The following PTPRD variants were observed in gnomAD, a reference collection of about 807,000 sequenced individuals.
The protein encoded by PTPRD is protein tyrosine phosphatase receptor type D.
In PTPRD, 34 loss-of-function variants were observed where a neutral mutation model predicts 214.5. That is an observed-to-expected ratio of 0.16 (90% CI 0.12 to 0.21). The LOEUF (loss-of-function observed/expected upper bound fraction) is 0.21, where lower values mean the gene tolerates loss of function less well. Ranked by LOEUF, PTPRD falls within the 10% of genes least tolerant of loss-of-function variation. PTPRD has a pLI of 1.00. For synonymous variants in PTPRD, 1,128 were observed against 845.7 expected (o/e 1.33, Z -5.79); for missense variants, 2,545 against 2,398.7 (o/e 1.06, Z -1.27).
intron 9 of PTPRD, among the ~76,000 whole-genome samples, chr9:9,270,319 A>C (rs1942304020): frequency 6.6e-6 from 1 of 151,580 alleles, no homozygotes. Context: ...AAGAGAAATA[A>C]GGGAAAAGAA....
chr9:8,899,405 T>C (rs759616310), intron 11 of PTPRD, among the ~76,000 whole-genome samples: 4 of 152,160 alleles, frequency 2.6e-5, no homozygotes, highest in African/African-American at 4.8e-5. Flanking sequence ...AGGGATGGGA[T>C]TGTGTCTCCG....
At chr9:10,336,235 A>G (rs974078648) in intron 3 of PTPRD, among the ~76,000 whole-genome samples, 1 of 151,824 alleles carries the variant, frequency 6.6e-6, no homozygotes, top group African/African-American at 2.4e-5. Flanking sequence ...TTTAAAAGTG[A>G]ATACTAAAAT....
chr9:9,297,870 T>G (rs572323516), intron 9 of PTPRD, among the ~76,000 whole-genome samples: 3 of 151,792 alleles, frequency 2.0e-5, no homozygotes, highest in Non-Finnish European at 4.4e-5. Flanking sequence ...TCATCTACTG[T>G]TTTAATACTT....
At chr9:10,339,201 G>C (rs2096896162) in intron 3 of PTPRD, among the ~76,000 whole-genome samples, 1 of 151,696 alleles carries the variant, frequency 6.6e-6, no homozygotes, top group African/African-American at 2.4e-5. Context: ...TCTAACATTA[G>C]GGCAGAAAAT....
chr9:10,392,022 CCTA>C (rs1161179966), intron 2 of PTPRD, among the ~76,000 whole-genome samples: 1 of 151,766 alleles, frequency 6.6e-6, no homozygotes, highest in Non-Finnish European at 1.5e-5. Context: ...TCTTCCCTTC[CCTA>C]CTACGTTTTA....
In PTPRD at chr9:8,484,323, T is replaced by C. The variant is rs1457036460; in HGVS notation, c.3209A>G (p.Lys1070Arg). 6 of 1,614,104 alleles carry C rather than the reference T, an allele frequency of 3.7e-6. No individual in the cohort carries two copies. Among genetic ancestry groups the C allele is most frequent in the Non-Finnish European group, 5.1e-6 (6 of 1,180,020 alleles). ...VEEVDGRATQ[K>R]LIVNLKPEKS... ...CTCAGGCTTCAGGTTGACAATTAACTTCTGTGTGGCTCGGCCATCCACTTC... is the reference window on the plus strand; with the variant it reads ...CTCAGGCTTCAGGTTGACAATTAACCTCTGTGTGGCTCGGCCATCCACTTC... Residue 1070 changes from lysine (K) to arginine (R), a missense_variant, in exon 30 of 46, where the codon AAG becomes AGG. Lys to Arg is a conservative substitution (Grantham distance 26). Coordinates refer to ENST00000381196, the MANE Select transcript of PTPRD (RefSeq NM_002839.4).
intron 3 of PTPRD, among the ~76,000 whole-genome samples, chr9:10,211,687 C>G (rs1236352155): frequency 6.6e-6 from 1 of 152,078 alleles, no homozygotes; most frequent in African/African-American, 2.4e-5. Context: ...TTAAGGGAAA[C>G]AACTCAGGAA....
chr9:9,503,865 C>T (rs1017377954), intron 8 of PTPRD, among the ~76,000 whole-genome samples: 3 of 151,658 alleles, frequency 2.0e-5, no homozygotes, highest in African/African-American at 7.3e-5. Context: ...GCCATTGCCA[C>T]CTTACATAAA....
chr9:9,189,337 G>C (rs935282969), intron 9 of PTPRD, among the ~76,000 whole-genome samples: 4 of 152,036 alleles, frequency 2.6e-5, no homozygotes, highest in Non-Finnish European at 4.4e-5. Flanking sequence ...TGATTTGATG[G>C]GGCTAACGTA....
At position 9,758,148 on chromosome 9, in the gene PTPRD, C is replaced by CAAAAAAAAAAAAA. The variant is rs3050038; in HGVS notation, c.-326+8649_-326+8661dup. The stretch of plus-strand genomic sequence containing the variant: ...GTTCACATCTCAAGAGTAAAAATGG[C>CAAAAAAAAAAAAA]AAAAAAAAAAAAAAATTGTATTCTC... On this transcript the variant is annotated intron_variant, in intron 6 of 45. Transcript: ENST00000381196. 3.4e-4 allele frequency among the ~76,000 whole-genome samples: 39 copies of CAAAAAAAAAAAAA among 114,936 alleles called. 1 individual carries two copies. Among genetic ancestry groups the CAAAAAAAAAAAAA allele is most frequent in the African/African-American group, 1.2e-3 (36 of 29,742 alleles). 75.4% of individuals were successfully genotyped at this position (114,936 alleles called of 152,430 possible).
At chr9:8,677,572 A>G (rs28565522) in intron 12 of PTPRD, among the ~76,000 whole-genome samples, 1,604 of 152,330 alleles carry the variant, frequency 0.011, 32 homozygotes, top group African/African-American at 0.037. Context: ...ATCAGGTATT[A>G]TCTGAGTGAT....
At chr9:9,425,760 G>T (rs1187121807) in intron 8 of PTPRD, among the ~76,000 whole-genome samples, 1 of 152,042 alleles carries the variant, frequency 6.6e-6, no homozygotes, top group South Asian at 2.1e-4. Flanking sequence ...ATTACATTTG[G>T]TTAGGAAAAT....
intron 8 of PTPRD, among the ~76,000 whole-genome samples, chr9:9,418,707 A>G (rs2077717870): frequency 6.6e-6 from 1 of 151,966 alleles, no homozygotes; most frequent in Non-Finnish European, 1.5e-5. Flanking sequence ...TCATTCATTT[A>G]TCCATTTACT....
intron 3 of PTPRD, among the ~76,000 whole-genome samples, chr9:10,281,874 C>T (rs1271547299): frequency 6.6e-6 from 1 of 151,886 alleles, no homozygotes; most frequent in Non-Finnish European, 1.5e-5. Context: ...CATTCTATTG[C>T]ATTTATCATG....
intron 11 of PTPRD, among the ~76,000 whole-genome samples, chr9:8,838,363 C>G (rs2097484437): frequency 6.6e-6 from 1 of 151,952 alleles, no homozygotes; most frequent in South Asian, 2.1e-4. Context: ...TTGCCTTATA[C>G]CACAACCATA....
In PTPRD at chr9:8,577,331, C is replaced by A. The variant is rs193235656; in HGVS notation, c.353-48552G>T. ...GTACAATTGGCGTGATCTTGGCTCA[C>A]TGCAACCTCCGCCTCCTGGGTTCAA... is the stretch of plus-strand genomic sequence containing the variant. On this transcript the variant is annotated intron_variant, in intron 14 of 45. Transcript: ENST00000381196. Among the ~76,000 whole-genome samples the A allele has an allele frequency of 1.5e-3, 222 of 152,306 alleles. 1 individual carries two copies. Among genetic ancestry groups the A allele is most frequent in the Middle Eastern group, 0.01 (3 of 294 alleles).
chr9:10,507,276 C>T (rs1387830348), intron 2 of PTPRD, among the ~76,000 whole-genome samples: 3 of 151,992 alleles, frequency 2.0e-5, no homozygotes, highest in Non-Finnish European at 4.4e-5. Flanking sequence ...AACTACAAAC[C>T]ACTGCTCAAT....
intron 11 of PTPRD, among the ~76,000 whole-genome samples, chr9:8,951,416 C>T (rs1314691637): frequency 6.8e-6 from 1 of 147,856 alleles, no homozygotes; most frequent in Non-Finnish European, 1.5e-5. Flanking sequence ...TGTAGGTTAT[C>T]TAATTGAAGC....
intron 2 of PTPRD, among the ~76,000 whole-genome samples, chr9:10,583,957 TG>T (rs901744595): frequency 6.6e-6 from 1 of 152,094 alleles, no homozygotes; most frequent in Admixed American, 6.5e-5. Flanking sequence ...ACTGAAAACA[TG>T]GGATGGTATA....
Sources: gnomAD v4.1 joint callset for allele counts (sites outside exome capture counted in the v4.1 genomes callset) on GRCh38, gnomAD v4.1.1 for gene constraint, MANE v1.5 for transcripts, NCBI Gene and HGNC (gene_info 2026-07-23, HGNC 2026-07-21) for gene names.